Variants in PTPRD observed in about 807,000 individuals in gnomAD.
PTPRD encodes receptor-type tyrosine-protein phosphatase delta.
Under a neutral mutation model 214.5 loss-of-function variants are expected in PTPRD, and 34 were observed. That is an observed-to-expected ratio of 0.16 (90% CI 0.12 to 0.21). The LOEUF (loss-of-function observed/expected upper bound fraction) is 0.21, where lower values mean the gene tolerates loss of function less well. PTPRD is among the 10% of genes least tolerant of loss of function. The probability of loss-of-function intolerance (pLI) is 1.00; values close to 1 mark genes in which losing one functional copy is unlikely to be tolerated. For synonymous variants in PTPRD, 1,128 were observed against 845.7 expected (o/e 1.33, Z -5.79); for missense variants, 2,545 against 2,398.7 (o/e 1.06, Z -1.27).
intron 11 of PTPRD, among the ~76,000 whole-genome samples, chr9:8,785,311 A>C (rs1188679610): frequency 6.6e-6 from 1 of 152,252 alleles, no homozygotes; most frequent in Non-Finnish European, 1.5e-5. Context: ...GTTAAGAGTT[A>C]GTGCAAAAGG....
At chr9:8,904,192 A>C (rs1006366486) in intron 11 of PTPRD, among the ~76,000 whole-genome samples, 2 of 152,168 alleles carry the variant, frequency 1.3e-5, no homozygotes, top group Non-Finnish European at 2.9e-5. Context: ...GTGGCACTTT[A>C]CCTTTAAGTA....
chr9:9,196,833 A>G (rs915954482), intron 9 of PTPRD, among the ~76,000 whole-genome samples: 7 of 152,102 alleles, frequency 4.6e-5, no homozygotes, highest in Non-Finnish European at 8.8e-5. Context: ...GCCTGCTACT[A>G]TCTTTCAGGC....
intron 10 of PTPRD, among the ~76,000 whole-genome samples, chr9:9,039,849 A>C (rs548084997): frequency 2.6e-5 from 4 of 152,268 alleles, no homozygotes; most frequent in African/African-American, 9.6e-5. Context: ...GTGTAGACTA[A>C]CAATTACAAT....
intron 11 of PTPRD, among the ~76,000 whole-genome samples, chr9:8,928,478 T>G (rs201036849): frequency 6.6e-6 from 1 of 152,108 alleles, no homozygotes; most frequent in Non-Finnish European, 1.5e-5. Flanking sequence ...CCCATTGCTT[T>G]TTTTGGTCAG....
chr9:9,650,866 T>C (rs1242697381), intron 7 of PTPRD, among the ~76,000 whole-genome samples: 1 of 152,110 alleles, frequency 6.6e-6, no homozygotes, highest in African/African-American at 2.4e-5. Flanking sequence ...TTATGGAATA[T>C]ATATAAATAA....
intron 5 of PTPRD, among the ~76,000 whole-genome samples, chr9:9,777,257 T>G (rs2098805610): frequency 6.6e-6 from 1 of 152,028 alleles, no homozygotes. Context: ...GAGAAAAATC[T>G]TTCATAAATA....
At chr9:8,757,150 A>G (rs545220979) in intron 11 of PTPRD, among the ~76,000 whole-genome samples, 5 of 151,692 alleles carry the variant, frequency 3.3e-5, no homozygotes, top group African/African-American at 9.8e-5. Context: ...TCAAAATAAT[A>G]ATAATCTATG....
intron 8 of PTPRD, among the ~76,000 whole-genome samples, chr9:9,536,003 C>T (rs2076450908): frequency 6.6e-6 from 1 of 152,050 alleles, no homozygotes; most frequent in Non-Finnish European, 1.5e-5. Flanking sequence ...GTCATATCAA[C>T]ATAAATATTC....
At chr9:10,228,256 C>T (rs979631168) in intron 3 of PTPRD, among the ~76,000 whole-genome samples, 30 of 152,084 alleles carry the variant, frequency 2.0e-4, no homozygotes, top group African/African-American at 7.0e-4. Context: ...CAACATTGAA[C>T]CTCAAGGAAG....
chr9:9,781,816 G>A (rs1346513138), intron 5 of PTPRD, among the ~76,000 whole-genome samples: 3 of 142,128 alleles, frequency 2.1e-5, no homozygotes, highest in East Asian at 4.1e-4. Context: ...TTTTTTAGAC[G>A]GAGTCTCGCT....
intron 14 of PTPRD, 47 bp from the exon 15 acceptor site, chr9:8,528,826 C>A (rs2139494658): frequency 1.3e-6 from 2 of 1,577,798 alleles, no homozygotes; most frequent in South Asian, 1.1e-5. Flanking sequence ...AAGTCAGATG[C>A]TCCAAATTCA....
rs192734817 is a variant in PTPRD at position 9,361,521 on chromosome 9, G to A, written c.-203+35928C>T. Among the ~76,000 whole-genome samples the A allele has an allele frequency of 5.6e-4, 84 of 150,638 alleles. 1 individual carries two copies. The highest frequency in any genetic ancestry group is 2.0e-3 in the African/African-American group (84 of 41,274). ...TACTGCCAGATTCAATTCTACTGTTGATCTTTTTTTTTATTGATACATAAC... is the reference window on the plus strand; with the variant it reads ...TACTGCCAGATTCAATTCTACTGTTAATCTTTTTTTTTATTGATACATAAC... On this transcript the variant is annotated intron_variant, in intron 9 of 45. Coordinates refer to ENST00000381196, the MANE Select transcript of PTPRD (RefSeq NM_002839.4).
chr9:10,142,642 T>G (rs2098994354), intron 3 of PTPRD, among the ~76,000 whole-genome samples: 1 of 148,258 alleles, frequency 6.7e-6, no homozygotes, highest in African/African-American at 2.5e-5. Context: ...CTGGAGAGGA[T>G]GTGGAGAAAT....
chr9:9,139,336 T>C (rs1303371981), intron 10 of PTPRD, among the ~76,000 whole-genome samples: 1 of 152,116 alleles, frequency 6.6e-6, no homozygotes, highest in South Asian at 2.1e-4. Flanking sequence ...AGGAAAAAAA[T>C]TGATTTTCTT....
chr9:9,527,350 T>C (rs1159557774), intron 8 of PTPRD, among the ~76,000 whole-genome samples: 1 of 152,158 alleles, frequency 6.6e-6, no homozygotes, highest in Non-Finnish European at 1.5e-5. Flanking sequence ...ATAAGAAGTT[T>C]AAAATGCTCC....
chr9:8,449,646 C>T, intron 34 of PTPRD, 79 bp downstream of exon 34: 1 of 1,267,974 alleles, frequency 7.9e-7, no homozygotes. Flanking sequence ...TAAAGTGATA[C>T]CTTCAACTCT....
chr9:8,842,103 A>G (rs2097570692), intron 11 of PTPRD, among the ~76,000 whole-genome samples: 1 of 152,138 alleles, frequency 6.6e-6, no homozygotes, highest in Non-Finnish European at 1.5e-5. Flanking sequence ...TGAAAAAACA[A>G]CAAAAAACAA....
intron 8 of PTPRD, among the ~76,000 whole-genome samples, chr9:9,479,293 T>C (rs1259434898): frequency 3.6e-5 from 5 of 137,964 alleles, no homozygotes; most frequent in Admixed American, 8.1e-5. Context: ...CATCTCCATT[T>C]TCAGGAAAGC....
At chr9:10,171,821 C>T (rs2154298143) in intron 3 of PTPRD, among the ~76,000 whole-genome samples, 1 of 152,306 alleles carries the variant, frequency 6.6e-6, no homozygotes, top group East Asian at 1.9e-4. Flanking sequence ...CCGCGCCTGG[C>T]CTGGTATATC....
Sources: gnomAD v4.1 joint callset for allele counts (sites outside exome capture counted in the v4.1 genomes callset) on GRCh38, gnomAD v4.1.1 for gene constraint, MANE v1.5 for transcripts, NCBI Gene and HGNC (gene_info 2026-07-23, HGNC 2026-07-21) for gene names.